EIF2AK4: variants seen among roughly 807,000 people sequenced by gnomAD.
The protein encoded by EIF2AK4 is eIF-2-alpha kinase GCN2.
In EIF2AK4, 139 loss-of-function variants were observed where a neutral mutation model predicts 211.1. The observed-to-expected ratio is 0.66, with a 90% CI of 0.57 to 0.76. The LOEUF (loss-of-function observed/expected upper bound fraction) is 0.76, where lower values mean the gene tolerates loss of function less well. EIF2AK4 is among the 30% of genes least tolerant of loss of function. The probability of loss-of-function intolerance (pLI) is 0.00; values close to 1 mark genes in which losing one functional copy is unlikely to be tolerated. For missense variants in EIF2AK4, 1,664 were observed against 2,043.8 expected (o/e 0.81, Z 3.58); for synonymous variants, 710 against 751.3 (o/e 0.94, Z 0.90).
rs1271664784 is a variant in EIF2AK4, at chr15:40,003,174, T to G, written c.3236-19T>G. On this transcript the variant is annotated intron_variant, in intron 22 of 38. Coordinates refer to ENST00000263791, the MANE Select transcript of EIF2AK4 (RefSeq NM_001013703.4). ...GAATGTGAACCTGATGATGAGCTATTTTTTCTCATTTGGTGTAGGAGCTGT... is the reference window on the plus strand; with the variant it reads ...GAATGTGAACCTGATGATGAGCTATGTTTTCTCATTTGGTGTAGGAGCTGT... The G allele has an allele frequency of 6.2e-7, 1 of 1,612,440 alleles. No individual in the cohort carries two copies. The highest frequency in any genetic ancestry group is 1.7e-5 in the Admixed American group (1 of 59,646).
At position 39,943,604 on chromosome 15, in the gene EIF2AK4, TTTTA is replaced by T; in HGVS notation, c.360+128_360+131del. 6.6e-6 allele frequency: 5 copies of T among 760,038 alleles called. No individual in the cohort carries two copies. In the South Asian group the frequency reaches 8.9e-5, roughly 13 times the overall value. 47.1% of individuals were successfully genotyped at this position (760,038 alleles called of 1,614,324 possible). A position where few individuals can be genotyped will look rare whatever the true frequency, so the allele number is the denominator to read the frequency against. ...GTTCTACAAAAGGGAACATTGTGAT[TTTTA>T]TTTATTTAATAGGATTAATGAAATT... On this transcript the variant is annotated intron_variant, in intron 3 of 38. Coordinates refer to ENST00000263791, the MANE Select transcript of EIF2AK4 (RefSeq NM_001013703.4).
chr15:39,985,209 G>C (rs929028240), intron 13 of EIF2AK4, among the ~76,000 whole-genome samples: 9 of 152,126 alleles, frequency 5.9e-5, no homozygotes, highest in African/African-American at 2.2e-4. Context: ...AGCTGACTTG[G>C]TCGTGGTGGA....
intron 27 of EIF2AK4, among the ~76,000 whole-genome samples, chr15:40,012,965 G>A (rs1241748042): frequency 2.0e-5 from 3 of 152,136 alleles, no homozygotes; most frequent in Admixed American, 2.0e-4. Flanking sequence ...AGACACCTGA[G>A]GCCCAAAGAG....
chr15:39,995,738 G>A (rs889103339), intron 18 of EIF2AK4, among the ~76,000 whole-genome samples: 41 of 151,384 alleles, frequency 2.7e-4, no homozygotes, highest in African/African-American at 9.0e-4. Context: ...TATGATTGAT[G>A]AAACTTGTCT....
intron 9 of EIF2AK4, among the ~76,000 whole-genome samples, chr15:39,972,644 A>C (rs1386664488): frequency 6.6e-6 from 1 of 152,162 alleles, no homozygotes; most frequent in African/African-American, 2.4e-5. Context: ...GACTTTTAAA[A>C]AATTGTTCCA....
At chr15:39,952,232 G>A (rs1484511483) in intron 4 of EIF2AK4, among the ~76,000 whole-genome samples, 1 of 151,832 alleles carries the variant, frequency 6.6e-6, no homozygotes, top group Non-Finnish European at 1.5e-5. Flanking sequence ...TTCCCATTCA[G>A]GATTGTTTCT....
chr15:39,989,336 G>A lies in EIF2AK4; in HGVS notation c.2527-937G>A, dbSNP rs148717436. On this transcript the variant is annotated intron_variant, in intron 15 of 38. Transcript: ENST00000263791. ...AAATTTCTTTAACCTTAAAATGTTT[G>A]TACTGTACCGTATTTATACTGAGAA... Among the ~76,000 whole-genome samples the A allele has an allele frequency of 2.4e-3, 360 of 152,178 alleles. 2 individuals are homozygous for A. Among genetic ancestry groups the A allele is most frequent in the African/African-American group, 8.0e-3 (334 of 41,502 alleles).
intron 35 of EIF2AK4, 102 bp downstream of exon 35, chr15:40,030,558 T>A: frequency 7.6e-7 from 1 of 1,311,952 alleles, no homozygotes; most frequent in Non-Finnish European, 1.0e-6. Context: ...TTCTTGGAAA[T>A]ATTTTTTCCA....
rs1463350933 is a variant in EIF2AK4 at position 39,985,836 on chromosome 15, A to G, written c.2351A>G (p.His784Arg). ...GATTGCAATGAAAAGAATGGCTGCC[A>G]TGAAAGTGAGCCATCAGTGACGACT... ...DEDCNEKNGC[H>R]ESEPSVTTEA... The change falls in exon 14 of 39, where the codon CAT (histidine) becomes CGT (arginine). Residue 784 changes from histidine (H) to arginine (R), a missense_variant. Coordinates refer to ENST00000263791, the MANE Select transcript of EIF2AK4 (RefSeq NM_001013703.4). 1 of 1,614,060 alleles carries G rather than the reference A, an allele frequency of 6.2e-7. No homozygotes were observed. Among genetic ancestry groups the G allele is most frequent in the Non-Finnish European group, 8.5e-7 (1 of 1,180,016 alleles).
At chr15:39,990,153 G>A in intron 15 of EIF2AK4, 120 bp from the exon 16 acceptor site, 2 of 856,384 alleles carry the variant, frequency 2.3e-6, no homozygotes, top group East Asian at 2.4e-5. Flanking sequence ...CTGGACCAGG[G>A]TGGTCTGTGG....
chr15:40,033,303 C>T (rs1044194045), intron 37 of EIF2AK4, among the ~76,000 whole-genome samples: 33 of 152,162 alleles, frequency 2.2e-4, no homozygotes, highest in African/African-American at 7.7e-4. Context: ...ATCTCTCAAA[C>T]CTCCATTCCA....
chr15:39,988,747 T>C (rs1334790305), intron 15 of EIF2AK4, among the ~76,000 whole-genome samples: 2 of 152,188 alleles, frequency 1.3e-5, no homozygotes, highest in African/African-American at 4.8e-5. Flanking sequence ...ATGCCTGTAA[T>C]CCCAGCACTT....
chr15:40,026,103 C>CT lies in EIF2AK4; in HGVS notation c.4502+14_4502+15insT. 3 of 1,609,306 alleles carry CT rather than the reference C, an allele frequency of 1.9e-6. No homozygotes were observed. The highest frequency in any genetic ancestry group is 2.6e-6 in the Non-Finnish European group (3 of 1,176,434). ...AAGGAATGGCAGGTAACTTAGGAAA[C>CT]AAAAGCCGAGAAAAGTGACTTCAGT... On this transcript the variant is annotated intron_variant, in intron 33 of 38. Transcript: ENST00000263791.
chr15:40,030,354 C>T lies in EIF2AK4; in HGVS notation c.4562-5C>T, dbSNP rs753681292. 1.9e-6 allele frequency: 3 copies of T among 1,613,672 alleles called. No homozygotes were observed. The highest frequency in any genetic ancestry group is 2.5e-6 in the Non-Finnish European group (3 of 1,179,822). On this transcript the variant is annotated splice_polypyrimidine_tract_variant and splice_region_variant and intron_variant, in intron 34 of 38. Transcript: ENST00000263791. Reference sequence around the variant, plus strand: ...CCATAAATTCTGAAACTCTCTTGGTCTCAGGTTTGTTTGAAATCCATGGAG... The same window carrying T: ...CCATAAATTCTGAAACTCTCTTGGTTTCAGGTTTGTTTGAAATCCATGGAG...
At position 40,016,681 on chromosome 15, in the gene EIF2AK4, A is replaced by G; in HGVS notation, c.3930+9A>G. On this transcript the variant is annotated intron_variant, in intron 28 of 38. Coordinates refer to ENST00000263791, the MANE Select transcript of EIF2AK4 (RefSeq NM_001013703.4). ...TCGGCATCAAGTTACAGGTTTGGCA[A>G]CAGTTTGATACTGGCAGTACAAATG... 1 of 1,613,484 alleles carries G rather than the reference A, an allele frequency of 6.2e-7. No individual in the cohort carries two copies. The highest frequency in any genetic ancestry group is 8.5e-7 in the Non-Finnish European group (1 of 1,179,738).
chr15:39,982,675 C>T (rs1288083567), intron 13 of EIF2AK4, among the ~76,000 whole-genome samples: 2 of 151,974 alleles, frequency 1.3e-5, no homozygotes, highest in East Asian at 3.9e-4. Flanking sequence ...AGGTATTTCT[C>T]CTAAAGCTAT....
intron 13 of EIF2AK4, among the ~76,000 whole-genome samples, chr15:39,982,489 T>C (rs2034804909): frequency 6.6e-6 from 1 of 152,256 alleles, no homozygotes; most frequent in South Asian, 2.1e-4. Flanking sequence ...ACACAGAGGA[T>C]ACTGGAAATA....
chr15:39,943,628 GA>G, intron 3 of EIF2AK4, 143 bp downstream of exon 3: 4 of 674,864 alleles, frequency 5.9e-6, no homozygotes, highest in Non-Finnish European at 9.6e-6. Flanking sequence ...TAGGATTAAT[GA>G]AATTTGTAGT....
intron 13 of EIF2AK4, among the ~76,000 whole-genome samples, chr15:39,984,724 GTTGCTTATCAGCT>G (rs2140924046): frequency 6.6e-6 from 1 of 152,342 alleles, no homozygotes; most frequent in South Asian, 2.1e-4. Context: ...CTTTGCTGAA[GTTGCTTATCAGCT>G]TAAGGAGTTT....
Sources: gnomAD v4.1 joint callset for allele counts (sites outside exome capture counted in the v4.1 genomes callset) on GRCh38, gnomAD v4.1.1 for gene constraint, MANE v1.5 for transcripts, NCBI Gene and HGNC (gene_info 2026-07-23, HGNC 2026-07-21) for gene names.